The following CSNK2A2IP variants were observed in gnomAD, a reference collection of about 807,000 sequenced individuals.
CSNK2A2IP encodes casein kinase II subunit alpha'-interacting protein.
the CSNK2A2IP span, among the ~76,000 whole-genome samples, chr3:88,404,734 G>A: frequency 6.1e-5 from 9 of 146,996 alleles, 2 homozygotes; most frequent in East Asian, 1.5e-3. Context: ...TTTTCTCTTC[G>A]AACTTTTGTT....
the CSNK2A2IP span, among the ~76,000 whole-genome samples, chr3:88,457,569 C>A: frequency 6.6e-6 from 1 of 151,776 alleles, no homozygotes; most frequent in Non-Finnish European, 1.5e-5. Flanking sequence ...TGGTGGCAGT[C>A]TCCTGTGATC....
the CSNK2A2IP span, among the ~76,000 whole-genome samples, chr3:88,426,508 T>C: frequency 1.3e-5 from 2 of 152,214 alleles, no homozygotes; most frequent in Non-Finnish European, 2.9e-5. Flanking sequence ...TTTGGCTCTG[T>C]GTTCGCACCC....
the CSNK2A2IP span, among the ~76,000 whole-genome samples, chr3:88,446,042 C>T: frequency 2.5e-5 from 1 of 40,050 alleles, no homozygotes; most frequent in Non-Finnish European, 5.4e-5. Flanking sequence ...TTCTTTCTTT[C>T]TTTCTTTCTT....
chr3:88,446,766 GCA>G, the CSNK2A2IP span, among the ~76,000 whole-genome samples: 1 of 152,090 alleles, frequency 6.6e-6, no homozygotes, highest in East Asian at 1.9e-4. Flanking sequence ...ACACACATTC[GCA>G]CACATACACT....
chr3:88,431,889 G>A, the CSNK2A2IP span, among the ~76,000 whole-genome samples: 2 of 151,992 alleles, frequency 1.3e-5, no homozygotes, highest in Admixed American at 1.3e-4. Context: ...AAAAAGAAGA[G>A]GTCCTATTGA....
the CSNK2A2IP span, among the ~76,000 whole-genome samples, chr3:88,424,175 A>G: frequency 6.6e-6 from 1 of 152,210 alleles, no homozygotes; most frequent in African/African-American, 2.4e-5. Flanking sequence ...GCTTAGTTGA[A>G]TAAACATCTG....
chr3:88,405,538 C>G, the CSNK2A2IP span, among the ~76,000 whole-genome samples: 1 of 152,164 alleles, frequency 6.6e-6, no homozygotes, highest in Non-Finnish European at 1.5e-5. Context: ...CTCTCTTTGG[C>G]TTTCAGAAAC....
the CSNK2A2IP span, among the ~76,000 whole-genome samples, chr3:88,379,074 T>A: frequency 3.2e-4 from 49 of 152,116 alleles, no homozygotes; most frequent in Non-Finnish European, 6.0e-4. Flanking sequence ...ACGAAAATCA[T>A]CTTTTTTTTT....
At chr3:88,410,187 C>T in the CSNK2A2IP span, among the ~76,000 whole-genome samples, 1 of 151,996 alleles carries the variant, frequency 6.6e-6, no homozygotes, top group Non-Finnish European at 1.5e-5. Flanking sequence ...AGGCTCTGTG[C>T]ATGAAATCAT....
the CSNK2A2IP span, among the ~76,000 whole-genome samples, chr3:88,379,274 C>A: frequency 3.3e-5 from 5 of 151,980 alleles, no homozygotes; most frequent in Non-Finnish European, 7.4e-5. Context: ...GCCTGTTCCT[C>A]CCTCTGCTGG....
the CSNK2A2IP span, among the ~76,000 whole-genome samples, chr3:88,415,707 G>A: frequency 6.6e-6 from 1 of 151,870 alleles, no homozygotes; most frequent in Non-Finnish European, 1.5e-5. Flanking sequence ...GAGGTGTTCT[G>A]GGTATAATTC....
At chr3:88,418,437 A>AGTGT in the CSNK2A2IP span, among the ~76,000 whole-genome samples, 54,193 of 121,824 alleles carry the variant, frequency 0.44, 11,341 homozygotes, top group South Asian at 0.57. Flanking sequence ...ACTGAATGTC[A>AGTGT]GTGTGTGTGT....
the CSNK2A2IP span, among the ~76,000 whole-genome samples, chr3:88,397,898 T>C: frequency 1.3e-5 from 2 of 152,056 alleles, no homozygotes; most frequent in African/African-American, 2.4e-5. Flanking sequence ...CTAGGTGCCA[T>C]CTACTATTTT....
chr3:88,376,325 A>G, the CSNK2A2IP span, among the ~76,000 whole-genome samples: 4 of 151,756 alleles, frequency 2.6e-5, no homozygotes, highest in African/African-American at 7.3e-5. Context: ...AGAATAGTGC[A>G]TATCTGGTAC....
chr3:88,467,305 T>A, the CSNK2A2IP span: 1 of 400,004 alleles, frequency 2.5e-6, no homozygotes, highest in Non-Finnish European at 4.4e-6. Flanking sequence ...TTCCATCTCA[T>A]CCTCTTCCTC....
chr3:88,375,930 A>C, the CSNK2A2IP span, among the ~76,000 whole-genome samples: 1 of 151,504 alleles, frequency 6.6e-6, no homozygotes, highest in Non-Finnish European at 1.5e-5. Context: ...ATTAGTTGTT[A>C]CTTCCTCTTT....
At chr3:88,386,456 G>A in the CSNK2A2IP span, among the ~76,000 whole-genome samples, 1 of 152,168 alleles carries the variant, frequency 6.6e-6, no homozygotes, top group Non-Finnish European at 1.5e-5. Context: ...AAGAAACCAC[G>A]GAGAAAGCAG....
chr3:88,406,481 T>A, the CSNK2A2IP span, among the ~76,000 whole-genome samples: 1 of 152,204 alleles, frequency 6.6e-6, no homozygotes, highest in Non-Finnish European at 1.5e-5. Context: ...AGTGAGGAGA[T>A]AATTTTTAGA....
At chr3:88,425,266 T>C in the CSNK2A2IP span, among the ~76,000 whole-genome samples, 2 of 152,112 alleles carry the variant, frequency 1.3e-5, no homozygotes, top group Non-Finnish European at 2.9e-5. Flanking sequence ...CTTAAATAAA[T>C]TGTAGTTAGC....
Sources: allele counts gnomAD v4.1 joint callset (sites outside exome capture counted in the v4.1 genomes callset), GRCh38; gene constraint gnomAD v4.1.1; transcripts MANE v1.5; gene names NCBI Gene and HGNC (gene_info 2026-07-23, HGNC 2026-07-21).